The following GRIN2B variants were observed in gnomAD, a reference collection of about 807,000 sequenced individuals.
The protein encoded by GRIN2B is glutamate ionotropic receptor NMDA type subunit 2B.
GRIN2B carries 5 observed loss-of-function variants against 114.5 expected under a neutral mutation model. The ratio of observed to expected loss-of-function variants is 0.04; its 90% CI spans 0.02 to 0.09. GRIN2B has a LOEUF of 0.09. GRIN2B is among the 10% of genes least tolerant of loss of function. The pLI is 1.00. For synonymous variants in GRIN2B, 787 were observed against 745.1 expected (o/e 1.06, Z -0.92); for missense variants, 1,108 against 1,943.5 (o/e 0.57, Z 8.08).
chr12:13,609,115 C>A (rs529407597), intron 9 of GRIN2B, among the ~76,000 whole-genome samples: 1 of 152,284 alleles, frequency 6.6e-6, no homozygotes, highest in South Asian at 2.1e-4. Flanking sequence ...GAGGAGCCAT[C>A]AACCTGCCCC....
At chr12:13,879,530 A>G (rs1350866097) in intron 2 of GRIN2B, among the ~76,000 whole-genome samples, 1 of 152,190 alleles carries the variant, frequency 6.6e-6, no homozygotes. Flanking sequence ...AAAAAAAAAA[A>G]AAATGAGAAC....
intron 4 of GRIN2B, among the ~76,000 whole-genome samples, chr12:13,724,173 G>A (rs1257251749): frequency 1.3e-5 from 2 of 152,120 alleles, no homozygotes; most frequent in African/African-American, 4.8e-5. Context: ...TCCTCAATAT[G>A]TGACCCCATC....
At chr12:13,591,575 G>A (rs1018348976) in intron 10 of GRIN2B, among the ~76,000 whole-genome samples, 1 of 152,282 alleles carries the variant, frequency 6.6e-6, no homozygotes, top group South Asian at 2.1e-4. Flanking sequence ...GCACAGTAGA[G>A]GTAGCATCTA....
rs538684338 is a variant in GRIN2B, at chr12:13,935,990, C to T, written c.-19+43938G>A. On this transcript the variant is annotated intron_variant, in intron 2 of 13. Coordinates refer to ENST00000609686, the MANE Select transcript of GRIN2B (RefSeq NM_000834.5). ...ACAGAGAGCTAGAGTCAAAGCATAACACAGTGGCTGCACTGTGCTGAGGAG... is the reference window on the plus strand; with the variant it reads ...ACAGAGAGCTAGAGTCAAAGCATAATACAGTGGCTGCACTGTGCTGAGGAG... Among the ~76,000 whole-genome samples, 6 of 152,250 alleles carry T rather than the reference C, an allele frequency of 3.9e-5. No homozygotes were observed. The South Asian group carries it at 6.2e-4, about 16-fold the overall frequency.
At chr12:13,965,557 C>CCACA (rs138577851) in intron 2 of GRIN2B, among the ~76,000 whole-genome samples, 38,724 of 149,936 alleles carry the variant, frequency 0.26, 5,498 homozygotes, top group Non-Finnish European at 0.33. Flanking sequence ...AGATTACACA[C>CCACA]CACACACACA....
At chr12:13,943,463 G>T (rs1233216649) in intron 2 of GRIN2B, among the ~76,000 whole-genome samples, 5 of 152,070 alleles carry the variant, frequency 3.3e-5, no homozygotes, top group Admixed American at 6.6e-5. Flanking sequence ...CTCCCCCATT[G>T]AATTTAGAAT....
At chr12:13,764,143 G>T (rs868850780) in intron 3 of GRIN2B, among the ~76,000 whole-genome samples, 1 of 145,756 alleles carries the variant, frequency 6.9e-6, no homozygotes, top group Admixed American at 7.0e-5. Context: ...AATTGTGTCC[G>T]CAGTCCTAGA....
intron 3 of GRIN2B, among the ~76,000 whole-genome samples, chr12:13,829,241 A>C (rs1393367954): frequency 6.6e-6 from 1 of 152,208 alleles, no homozygotes; most frequent in Non-Finnish European, 1.5e-5. Context: ...ACTACTGTCT[A>C]AAATAATTGT....
intron 5 of GRIN2B, among the ~76,000 whole-genome samples, chr12:13,662,650 A>G (rs1949935806): frequency 6.6e-6 from 1 of 152,308 alleles, no homozygotes; most frequent in South Asian, 2.1e-4. Flanking sequence ...CCCAGCACCT[A>G]GAATAGTGCC....
In GRIN2B at chr12:13,896,923, A is replaced by G. The variant is rs1866364730; in HGVS notation, c.-18-30697T>C. 1.3e-5 allele frequency among the ~76,000 whole-genome samples: 2 copies of G among 152,116 alleles called. 1 individual carries two copies. Among genetic ancestry groups the G allele is most frequent in the African/African-American group, 4.8e-5 (2 of 41,412 alleles). On this transcript the variant is annotated intron_variant, in intron 2 of 13. Transcript: ENST00000609686. ...GTAAGAATAATATCTACCTTGCAGAACTCTTGTGAGAATTAAATGAGATAA... is the reference window on the plus strand; with the variant it reads ...GTAAGAATAATATCTACCTTGCAGAGCTCTTGTGAGAATTAAATGAGATAA...
chr12:13,925,948 A>G (rs1236722195), intron 2 of GRIN2B, among the ~76,000 whole-genome samples: 1 of 152,132 alleles, frequency 6.6e-6, no homozygotes, highest in Non-Finnish European at 1.5e-5. Flanking sequence ...TTCAATTTGA[A>G]GAGTTCATAG....
At chr12:13,598,863 A>G (rs1339020761) in intron 10 of GRIN2B, among the ~76,000 whole-genome samples, 1 of 152,178 alleles carries the variant, frequency 6.6e-6, no homozygotes, top group African/African-American at 2.4e-5. Flanking sequence ...GTGCACTCCC[A>G]AACAGAAACA....
intron 11 of GRIN2B, among the ~76,000 whole-genome samples, 154 bp from the exon 12 acceptor site, chr12:13,570,171 C>T (rs1191282824): frequency 1.3e-5 from 2 of 152,168 alleles, no homozygotes; most frequent in African/African-American, 4.8e-5. Flanking sequence ...AATCTAAAGC[C>T]TAAATCCCAG....
At chr12:13,790,931 C>A (rs886797277) in intron 3 of GRIN2B, among the ~76,000 whole-genome samples, 2 of 152,096 alleles carry the variant, frequency 1.3e-5, no homozygotes, top group African/African-American at 4.8e-5. Flanking sequence ...GCTGCTGTTC[C>A]AGTGGGAGTG....
rs1356666228 is a variant in GRIN2B, at chr12:13,720,211, C to T, written c.1010+33106G>A. On this transcript the variant is annotated intron_variant, in intron 4 of 13. Coordinates refer to ENST00000609686, the MANE Select transcript of GRIN2B (RefSeq NM_000834.5). The stretch of plus-strand genomic sequence containing the variant: ...GTGTCACTTCCCAGGTACCTGTGGC[C>T]TGGCATCTGTCACAGGGTGTCTGGC... 3.9e-4 allele frequency among the ~76,000 whole-genome samples: 59 copies of T among 152,006 alleles called. 1 individual carries two copies. Among genetic ancestry groups the T allele is most frequent in the Admixed American group, 3.9e-3 (59 of 15,236 alleles).
chr12:13,876,849 G>A (rs932142156), intron 2 of GRIN2B, among the ~76,000 whole-genome samples: 1 of 152,158 alleles, frequency 6.6e-6, no homozygotes, highest in Admixed American at 6.5e-5. Context: ...GGCAAAGCAT[G>A]TGGCATAATG....
chr12:13,586,467 G>A (rs1198374203), intron 10 of GRIN2B, among the ~76,000 whole-genome samples: 1 of 152,126 alleles, frequency 6.6e-6, no homozygotes, highest in African/African-American at 2.4e-5. Flanking sequence ...TGGCTGACTG[G>A]GAAGCCGATG....
intron 2 of GRIN2B, among the ~76,000 whole-genome samples, chr12:13,922,274 A>G (rs1413668463): frequency 6.6e-6 from 1 of 152,220 alleles, no homozygotes; most frequent in African/African-American, 2.4e-5. Flanking sequence ...TCTCCAGTTC[A>G]TTAGCCAGAG....
chr12:13,751,840 C>G (rs1236159062), intron 4 of GRIN2B, among the ~76,000 whole-genome samples: 2 of 152,086 alleles, frequency 1.3e-5, no homozygotes, highest in Admixed American at 1.3e-4. Context: ...GGAAGAGGGT[C>G]TAGAACCCCA....
Sources: gnomAD v4.1 joint callset for allele counts (sites outside exome capture counted in the v4.1 genomes callset) on GRCh38, gnomAD v4.1.1 for gene constraint, MANE v1.5 for transcripts, NCBI Gene and HGNC (gene_info 2026-07-23, HGNC 2026-07-21) for gene names.